The following CNTNAP2 variants were observed in gnomAD, a reference collection of about 807,000 sequenced individuals.
CNTNAP2 encodes the protein contactin associated protein 2.
A neutral mutation model predicts 155.2 loss-of-function variants in CNTNAP2; 98 were observed. The ratio of observed to expected loss-of-function variants is 0.63; its 90% CI spans 0.54 to 0.75. The LOEUF (loss-of-function observed/expected upper bound fraction) is 0.75, where lower values mean the gene tolerates loss of function less well. CNTNAP2 is among the 30% of genes least tolerant of loss of function. The pLI, the probability that CNTNAP2 is intolerant of heterozygous loss-of-function variation, is 0.00. For synonymous variants in CNTNAP2, 651 were observed against 631.2 expected, an observed-to-expected ratio of 1.03 and a Z score of -0.47; for missense variants, 1,727 against 1,688.1, an observed-to-expected ratio of 1.02 and a Z score of -0.40.
intron 15 of CNTNAP2, among the ~76,000 whole-genome samples, chr7:148,044,065 C>T (rs1014368387): frequency 2.6e-5 from 4 of 152,030 alleles, no homozygotes; most frequent in Non-Finnish European, 4.4e-5. Flanking sequence ...GTAAACCTGT[C>T]GTATTAGAAA....
In CNTNAP2 at chr7:147,955,265, G is replaced by A. The variant is rs1801000799; in HGVS notation, c.2256-22597G>A. ...TGAGTTTTACATATCAGAATTTCAT[G>A]TATTAGAAATTAAAACTGACAAACT... On this transcript the variant is annotated intron_variant, in intron 14 of 23. Coordinates refer to ENST00000361727, the MANE Select transcript of CNTNAP2 (RefSeq NM_014141.6). 2.6e-5 allele frequency among the ~76,000 whole-genome samples: 4 copies of A among 152,100 alleles called. No homozygotes were observed. In the South Asian group the frequency reaches 8.3e-4, roughly 32 times the overall value.
At chr7:146,117,310 T>G (rs1436505338) in intron 1 of CNTNAP2, 1 of 264,220 alleles carries the variant, frequency 3.8e-6, no homozygotes, top group African/African-American at 2.2e-5. Context: ...CTTAGGTAGG[T>G]CAGTGAATGA....
intron 17 of CNTNAP2, among the ~76,000 whole-genome samples, chr7:148,148,057 G>A (rs1805226081): frequency 6.6e-6 from 1 of 150,446 alleles, no homozygotes; most frequent in Admixed American, 6.7e-5. Flanking sequence ...GTAACTGTGT[G>A]GAAGGAAAGG....
chr7:148,231,987 C>T (rs554471843), intron 20 of CNTNAP2, among the ~76,000 whole-genome samples: 2 of 152,288 alleles, frequency 1.3e-5, no homozygotes, highest in South Asian at 2.1e-4. Flanking sequence ...AGGTTCTGCA[C>T]CTGGAAGTGT....
intron 9 of CNTNAP2, among the ~76,000 whole-genome samples, chr7:147,373,362 A>C (rs909341453): frequency 6.6e-6 from 1 of 152,062 alleles, no homozygotes; most frequent in African/African-American, 2.4e-5. Flanking sequence ...TTTAACCAGA[A>C]GTTGATGTAG....
At chr7:148,003,978 TATTA>T (rs895737025) in intron 15 of CNTNAP2, among the ~76,000 whole-genome samples, 18 of 152,340 alleles carry the variant, frequency 1.2e-4, no homozygotes, top group South Asian at 4.1e-4. Flanking sequence ...CTAAGTGATT[TATTA>T]ATTGATTTGA....
At chr7:146,125,038 T>A (rs1221512693) in intron 1 of CNTNAP2, among the ~76,000 whole-genome samples, 1 of 152,196 alleles carries the variant, frequency 6.6e-6, no homozygotes, top group Admixed American at 6.5e-5. Flanking sequence ...AGTCACTTGG[T>A]TAATGTCCTC....
rs1053450324 is a variant in CNTNAP2 at position 146,309,612 on chromosome 7, G to A, written c.97+192639G>A. Among the ~76,000 whole-genome samples the A allele has an allele frequency of 5.3e-5, 8 of 152,138 alleles. No homozygotes were observed. The East Asian group carries it at 1.2e-3, about 22-fold the overall frequency. ...AGGTCAGGAGTTCGAGACCAGCCTG[G>A]ACAACATGGTGAAACCCTGTCTTTA... On this transcript the variant is annotated intron_variant, in intron 1 of 23. Coordinates refer to ENST00000361727, the MANE Select transcript of CNTNAP2 (RefSeq NM_014141.6).
intron 4 of CNTNAP2, among the ~76,000 whole-genome samples, chr7:147,065,809 A>G (rs1799767866): frequency 6.6e-6 from 1 of 152,190 alleles, no homozygotes; most frequent in African/African-American, 2.4e-5. Flanking sequence ...GATTGTTAGA[A>G]GTAGAAATTA....
chr7:147,930,769 T>C (rs1047955757), intron 14 of CNTNAP2, among the ~76,000 whole-genome samples: 3 of 152,108 alleles, frequency 2.0e-5, no homozygotes, highest in African/African-American at 7.2e-5. Context: ...ACACAGAACA[T>C]TCTCCAGGAT....
intron 4 of CNTNAP2, among the ~76,000 whole-genome samples, chr7:147,049,713 A>G (rs1799436956): frequency 6.6e-6 from 1 of 152,144 alleles, no homozygotes; most frequent in South Asian, 2.1e-4. Context: ...ATCTATCTTA[A>G]ACCTGCAAGA....
rs182394332 is a variant in CNTNAP2, at chr7:146,378,305, G to T, written c.97+261332G>T. 2.0e-5 allele frequency among the ~76,000 whole-genome samples: 3 copies of T among 152,232 alleles called. No homozygotes were observed. The East Asian group carries it at 5.8e-4, about 29-fold the overall frequency. ...AATTCTGGATTAATTGGCTTGAAATGTTGCCTTTTGCAGAGCTTCCCAGGT... is the reference window on the plus strand; with the variant it reads ...AATTCTGGATTAATTGGCTTGAAATTTTGCCTTTTGCAGAGCTTCCCAGGT... On this transcript the variant is annotated intron_variant, in intron 1 of 23. Transcript: ENST00000361727.
intron 1 of CNTNAP2, among the ~76,000 whole-genome samples, chr7:146,215,444 A>G (rs949489351): frequency 3.3e-5 from 5 of 152,160 alleles, no homozygotes; most frequent in Non-Finnish European, 5.9e-5. Flanking sequence ...GCTCAAGGAA[A>G]TTCGAAACCA....
chr7:148,065,769 A>G (rs745899018), intron 15 of CNTNAP2, among the ~76,000 whole-genome samples: 6 of 152,162 alleles, frequency 3.9e-5, no homozygotes, highest in African/African-American at 1.2e-4. Flanking sequence ...GGAGCATTTA[A>G]GTCATTTACA....
At chr7:147,490,243 G>A (rs977311341) in intron 11 of CNTNAP2, among the ~76,000 whole-genome samples, 18 of 152,036 alleles carry the variant, frequency 1.2e-4, no homozygotes, top group South Asian at 2.1e-4. Flanking sequence ...TTAAAATCAC[G>A]AGATTTAAAA....
intron 1 of CNTNAP2, among the ~76,000 whole-genome samples, chr7:146,552,736 G>A (rs1266135849): frequency 6.6e-6 from 1 of 151,846 alleles, no homozygotes; most frequent in Non-Finnish European, 1.5e-5. Context: ...CATCTGTTTT[G>A]ACTCTTCCCC....
intron 1 of CNTNAP2, among the ~76,000 whole-genome samples, chr7:146,721,439 A>ATATATACATTCTATATACATTT (rs1563203591): frequency 3.3e-5 from 4 of 121,640 alleles, no homozygotes; most frequent in Non-Finnish European, 6.3e-5. Context: ...TATATATTCT[A>ATATATACATTCTATATACATTT]TATATACATT....
intron 1 of CNTNAP2, among the ~76,000 whole-genome samples, chr7:146,684,639 CAAAAAAA>C (rs3080477): frequency 6.3e-5 from 4 of 63,514 alleles, no homozygotes; most frequent in African/African-American, 1.8e-4. Flanking sequence ...AGATCCAGCG[CAAAAAAA>C]AAAAAAAAAA....
At chr7:146,560,283 A>C (rs947957142) in intron 1 of CNTNAP2, among the ~76,000 whole-genome samples, 2 of 152,074 alleles carry the variant, frequency 1.3e-5, no homozygotes, top group African/African-American at 4.8e-5. Context: ...AGTACAAATA[A>C]AATTATATAA....
Sources: allele counts gnomAD v4.1 joint callset (sites outside exome capture counted in the v4.1 genomes callset), GRCh38; gene constraint gnomAD v4.1.1; transcripts MANE v1.5; gene names NCBI Gene and HGNC (gene_info 2026-07-23, HGNC 2026-07-21).